RAB3C: variants seen among roughly 807,000 people sequenced by gnomAD.
RAB3C encodes the protein RAB3C, member RAS oncogene family.
RAB3C carries 17 observed loss-of-function variants against 26.4 expected under a neutral mutation model. The ratio of observed to expected loss-of-function variants is 0.64; its 90% CI spans 0.44 to 0.97. The LOEUF (loss-of-function observed/expected upper bound fraction) is 0.97, where lower values mean the gene tolerates loss of function less well. Among genes scored for constraint, RAB3C ranks in the 50% least tolerant of loss-of-function variants. The pLI, the probability that RAB3C is intolerant of heterozygous loss-of-function variation, is 0.00. For missense variants in RAB3C, 242 were observed against 281.9 expected, an observed-to-expected ratio of 0.86 and a Z score of 1.01; for synonymous variants, 91 against 95.9, an observed-to-expected ratio of 0.95 and a Z score of 0.30.
intron 3 of RAB3C, among the ~76,000 whole-genome samples, chr5:58,729,828 T>TATATATACACATATACATATACTATATG (rs1369991707): frequency 2.1e-5 from 3 of 145,544 alleles, no homozygotes; most frequent in African/African-American, 7.5e-5. Flanking sequence ...ATATGTATAT[T>TATATATACACATATACATATACTATATG]TATATTATAT....
chr5:58,805,881 G>T (rs1742930372), intron 3 of RAB3C, among the ~76,000 whole-genome samples: 1 of 152,056 alleles, frequency 6.6e-6, no homozygotes, highest in South Asian at 2.1e-4. Flanking sequence ...GGGGCAGGGA[G>T]TATATATATG....
chr5:58,594,996 T>C (rs1186505745), intron 1 of RAB3C, among the ~76,000 whole-genome samples: 4 of 152,096 alleles, frequency 2.6e-5, no homozygotes, highest in Non-Finnish European at 5.9e-5. Flanking sequence ...TTGTAAGAGC[T>C]ATTCCTCATT....
chr5:58,793,278 G>A (rs1000285620), intron 3 of RAB3C, among the ~76,000 whole-genome samples: 5 of 152,256 alleles, frequency 3.3e-5, no homozygotes, highest in Admixed American at 3.3e-4. Flanking sequence ...AGAATTCCTG[G>A]CCGGGCGCGG....
intron 2 of RAB3C, among the ~76,000 whole-genome samples, chr5:58,694,772 G>A (rs530992194): frequency 6.6e-6 from 1 of 152,148 alleles, no homozygotes; most frequent in Non-Finnish European, 1.5e-5. Context: ...CCCACTTTTT[G>A]ATGGGGCTGT....
chr5:58,693,187 A>C (rs1159201424), intron 2 of RAB3C, among the ~76,000 whole-genome samples: 3 of 146,868 alleles, frequency 2.0e-5, no homozygotes, highest in Non-Finnish European at 4.5e-5. Flanking sequence ...AATTAAGATA[A>C]GTTTATAATT....
intron 3 of RAB3C, among the ~76,000 whole-genome samples, chr5:58,729,822 GTATATT>G (rs987159834): frequency 8.8e-4 from 123 of 139,522 alleles, no homozygotes; most frequent in African/African-American, 3.2e-3. Context: ...TATACTATAT[GTATATT>G]TATATTATAT....
chr5:58,656,613 T>C (rs1747777281), intron 2 of RAB3C, among the ~76,000 whole-genome samples: 1 of 152,212 alleles, frequency 6.6e-6, no homozygotes, highest in Admixed American at 6.5e-5. Flanking sequence ...TAAACATGTT[T>C]ATAAAGTAGA....
At chr5:58,592,485 A>G (rs1347852421) in intron 1 of RAB3C, among the ~76,000 whole-genome samples, 4 of 152,128 alleles carry the variant, frequency 2.6e-5, no homozygotes, top group South Asian at 2.1e-4. Flanking sequence ...AAAAATGTAT[A>G]TTTATTTGTG....
chr5:58,707,340 C>T (rs910966079), intron 2 of RAB3C, among the ~76,000 whole-genome samples: 4 of 152,016 alleles, frequency 2.6e-5, no homozygotes, highest in African/African-American at 9.7e-5. Context: ...ATGTATAAAA[C>T]ATTGCACATG....
intron 2 of RAB3C, among the ~76,000 whole-genome samples, chr5:58,707,559 C>T (rs1251513128): frequency 6.6e-6 from 1 of 152,144 alleles, no homozygotes; most frequent in African/African-American, 2.4e-5. Flanking sequence ...CCCAACATCA[C>T]ACAGCCAGTA....
intron 2 of RAB3C, among the ~76,000 whole-genome samples, chr5:58,626,403 G>C (rs452321): frequency 1.3e-5 from 2 of 151,880 alleles, no homozygotes; most frequent in Non-Finnish European, 2.9e-5. Context: ...CAACCAAAAT[G>C]TTTAATCTGC....
rs558499918 is a variant in RAB3C at position 58,624,890 on chromosome 5, A to C, written c.252+7020A>C. ...CCACTCAACTGAAAAAAAAACAAAC[A>C]AAAAAAACCCCCAATCTGGCATTCA... On this transcript the variant is annotated intron_variant, in intron 2 of 4. Coordinates refer to ENST00000282878, the MANE Select transcript of RAB3C (RefSeq NM_138453.4). Among the ~76,000 whole-genome samples, 32 of 151,766 alleles carry C rather than the reference A, an allele frequency of 2.1e-4. No homozygotes were observed. In the South Asian group the frequency reaches 5.4e-3, roughly 26 times the overall value.
At chr5:58,814,544 A>G (rs982634421) in intron 3 of RAB3C, 15 of 152,206 alleles carry the variant, frequency 9.9e-5, no homozygotes, top group African/African-American at 2.9e-4. Context: ...TAATTCCCCC[A>G]GGACAATATA....
chr5:58,748,780 A>G (rs960107778), intron 3 of RAB3C, among the ~76,000 whole-genome samples: 3 of 152,178 alleles, frequency 2.0e-5, no homozygotes, highest in African/African-American at 4.8e-5. Context: ...TCTATAACAT[A>G]GTTACTGGGA....
intron 3 of RAB3C, among the ~76,000 whole-genome samples, chr5:58,740,760 C>T (rs1310390153): frequency 6.6e-6 from 1 of 152,190 alleles, no homozygotes; most frequent in East Asian, 1.9e-4. Flanking sequence ...GTGGATATTG[C>T]AGTGAGCTGA....
chr5:58,660,636 A>G (rs1232266175), intron 2 of RAB3C, among the ~76,000 whole-genome samples: 1 of 150,386 alleles, frequency 6.6e-6, no homozygotes, highest in East Asian at 1.9e-4. Flanking sequence ...AGTGTAATTA[A>G]TGCCAACAAG....
chr5:58,597,744 A>ATATAG (rs1321328458), intron 1 of RAB3C, among the ~76,000 whole-genome samples: 7 of 122,952 alleles, frequency 5.7e-5, no homozygotes, highest in South Asian at 2.5e-4. Flanking sequence ...ATAACATATA[A>ATATAG]TACATTATAT....
At chr5:58,589,214 G>C (rs894573745) in intron 1 of RAB3C, among the ~76,000 whole-genome samples, 2 of 151,882 alleles carry the variant, frequency 1.3e-5, no homozygotes, top group Non-Finnish European at 2.9e-5. Context: ...TTATTTTGTT[G>C]GATTTCATGG....
intron 2 of RAB3C, among the ~76,000 whole-genome samples, chr5:58,667,104 A>G (rs948263918): frequency 6.6e-6 from 1 of 152,156 alleles, no homozygotes; most frequent in African/African-American, 2.4e-5. Flanking sequence ...CCCTTTACCA[A>G]CAGAACCACC....
Sources: gnomAD v4.1 joint callset for allele counts (sites outside exome capture counted in the v4.1 genomes callset) on GRCh38, gnomAD v4.1.1 for gene constraint, MANE v1.5 for transcripts, NCBI Gene and HGNC (gene_info 2026-07-23, HGNC 2026-07-21) for gene names.